GSG1L: variants seen among roughly 807,000 people sequenced by gnomAD.
GSG1L encodes the protein germ cell-specific gene 1-like protein.
In GSG1L, 24 loss-of-function variants were observed where a neutral mutation model predicts 42.1. That is an observed-to-expected ratio of 0.57 (90% CI 0.41 to 0.80). The LOEUF is 0.80. GSG1L is among the 30% of genes least tolerant of loss of function. GSG1L has a pLI of 0.00. For missense variants in GSG1L, 445 were observed against 472.2 expected (o/e 0.94, Z 0.53); for synonymous variants, 215 against 203.5 (o/e 1.06, Z -0.48).
At position 27,894,927 on chromosome 16, in the gene GSG1L, C is replaced by T. The variant is rs187853972; in HGVS notation, c.398-10289G>A. ...TATTAGAGGCATGAGGATTGAGGTT[C>T]GAGGGGGAAAGGGCTGTCTGGAAGA... is the stretch of plus-strand genomic sequence containing the variant. On this transcript the variant is annotated intron_variant, in intron 2 of 6. Coordinates refer to ENST00000447459, the MANE Select transcript of GSG1L (RefSeq NM_001109763.2). Among the ~76,000 whole-genome samples the T allele has an allele frequency of 5.7e-4, 87 of 152,124 alleles. 1 individual carries two copies. Among genetic ancestry groups the T allele is most frequent in the East Asian group, 2.9e-3 (15 of 5,166 alleles).
At chr16:28,012,168 C>G (rs902990456) in intron 1 of GSG1L, among the ~76,000 whole-genome samples, 1 of 152,138 alleles carries the variant, frequency 6.6e-6, no homozygotes, top group Non-Finnish European at 1.5e-5. Context: ...GGTTTCTGAG[C>G]CCCCAAGGTC....
intron 1 of GSG1L, among the ~76,000 whole-genome samples, chr16:28,055,666 C>T (rs1303842082): frequency 2.6e-5 from 4 of 151,754 alleles, no homozygotes; most frequent in South Asian, 2.1e-4. Flanking sequence ...GATGGGATTT[C>T]GCCATGTTGG....
intron 1 of GSG1L, among the ~76,000 whole-genome samples, chr16:28,062,214 G>A (rs926015430): frequency 1.3e-5 from 2 of 152,166 alleles, no homozygotes; most frequent in Non-Finnish European, 2.9e-5. Flanking sequence ...CTGTCCCCTG[G>A]GCCCTGCCAC....
At chr16:27,977,628 G>C (rs921464099) in intron 1 of GSG1L, among the ~76,000 whole-genome samples, 1 of 149,402 alleles carries the variant, frequency 6.7e-6, no homozygotes, top group East Asian at 2.0e-4. Flanking sequence ...GGCCAGACCA[G>C]GTATCTCTAA....
At chr16:28,006,385 T>C (rs987912113) in intron 1 of GSG1L, among the ~76,000 whole-genome samples, 5 of 151,212 alleles carry the variant, frequency 3.3e-5, no homozygotes, top group African/African-American at 9.7e-5. Flanking sequence ...CTCGGCTCAC[T>C]GCAACCTCTG....
At chr16:27,859,718 C>G (rs980182458) in intron 3 of GSG1L, among the ~76,000 whole-genome samples, 3 of 152,344 alleles carry the variant, frequency 2.0e-5, no homozygotes, top group Non-Finnish European at 4.4e-5. Flanking sequence ...CCCTGTCACC[C>G]AGGCTGGAGT....
At chr16:27,904,839 A>G (rs926400360) in intron 2 of GSG1L, among the ~76,000 whole-genome samples, 9 of 152,190 alleles carry the variant, frequency 5.9e-5, no homozygotes, top group Admixed American at 3.9e-4. Flanking sequence ...CTTCCGTGTC[A>G]AGAAAAGCAC....
chr16:27,817,482 A>C (rs61248338), intron 5 of GSG1L, among the ~76,000 whole-genome samples: 1 of 150,360 alleles, frequency 6.7e-6, no homozygotes. Flanking sequence ...GACTCCCCCC[A>C]CCCCCTTAAT....
intron 1 of GSG1L, among the ~76,000 whole-genome samples, chr16:28,053,923 G>A (rs1200772970): frequency 6.6e-6 from 1 of 151,964 alleles, no homozygotes; most frequent in East Asian, 1.9e-4. Flanking sequence ...GGGTCTCTGT[G>A]TCTCTGTCTC....
chr16:27,897,129 G>T (rs1014508555), intron 2 of GSG1L, among the ~76,000 whole-genome samples: 3 of 152,074 alleles, frequency 2.0e-5, no homozygotes, highest in Admixed American at 2.0e-4. Context: ...CTCCCAAAGT[G>T]CTGGGATAAC....
intron 5 of GSG1L, among the ~76,000 whole-genome samples, chr16:27,812,650 T>C (rs1198432889): frequency 2.0e-5 from 3 of 151,892 alleles, no homozygotes; most frequent in Admixed American, 6.6e-5. Context: ...ATGTGCAGCC[T>C]GGGTTGAAAA....
At chr16:27,993,146 T>A (rs1013678899) in intron 1 of GSG1L, among the ~76,000 whole-genome samples, 2 of 152,186 alleles carry the variant, frequency 1.3e-5, no homozygotes, top group Admixed American at 1.3e-4. Context: ...GAGTTTCCAC[T>A]TGCTTTTTGT....
intron 2 of GSG1L, chr16:27,888,084 G>C: frequency 1.0e-6 from 1 of 985,144 alleles, no homozygotes; most frequent in Non-Finnish European, 1.2e-6. Flanking sequence ...TGCTCCTATC[G>C]CTGGGTTTCC....
intron 4 of GSG1L, among the ~76,000 whole-genome samples, chr16:27,837,599 T>C (rs1406124137): frequency 2.0e-5 from 3 of 152,224 alleles, no homozygotes; most frequent in African/African-American, 7.2e-5. Context: ...TCTCCACTAG[T>C]TCTCCTCTGA....
At chr16:27,932,388 C>T (rs956273090) in intron 2 of GSG1L, among the ~76,000 whole-genome samples, 1 of 152,092 alleles carries the variant, frequency 6.6e-6, no homozygotes, top group African/African-American at 2.4e-5. Flanking sequence ...GTTCTGCAGG[C>T]TGTACAGAAA....
At position 27,884,718 on chromosome 16, in the gene GSG1L, A is replaced by T. The variant is rs1191578957; in HGVS notation, c.398-80T>A. ...ACCCTGTGCCTATTCCTCCCACAAC[A>T]GCAGAGGGTAGCAAGTCATTCTAGA... On this transcript the variant is annotated intron_variant, in intron 2 of 6. Coordinates refer to ENST00000447459, the MANE Select transcript of GSG1L (RefSeq NM_001109763.2). This position sits in a 1 kb window ranked among gnomAD's most constrained non-coding sequence, Gnocchi z 4.4. 2.2e-6 allele frequency: 3 copies of T among 1,341,388 alleles called. No homozygotes were observed. The highest frequency in any genetic ancestry group is 1.5e-5 in the African/African-American group (1 of 68,188). 83.1% of individuals were successfully genotyped at this position (1,341,388 alleles called of 1,614,324 possible). A position where few individuals can be genotyped will look rare whatever the true frequency, so the allele number is the denominator to read the frequency against.
chr16:27,984,361 G>C (rs181800755), intron 1 of GSG1L, among the ~76,000 whole-genome samples: 3 of 152,230 alleles, frequency 2.0e-5, no homozygotes, highest in East Asian at 1.9e-4. Context: ...GGGGGACATC[G>C]CAGGGTAGCC....
intron 1 of GSG1L, among the ~76,000 whole-genome samples, chr16:28,031,221 A>AGGATT (rs2085958774): frequency 1.4e-5 from 1 of 69,392 alleles, no homozygotes; most frequent in Admixed American, 1.9e-4. Flanking sequence ...GAGATGGAAT[A>AGGATT]GGATGGGATG....
chr16:27,948,530 C>A (rs533101667), intron 2 of GSG1L, among the ~76,000 whole-genome samples: 1 of 151,892 alleles, frequency 6.6e-6, no homozygotes, highest in Admixed American at 6.6e-5. Flanking sequence ...CCCACCACCA[C>A]GCCCAGCTAA....
Sources: allele counts gnomAD v4.1 joint callset (sites outside exome capture counted in the v4.1 genomes callset), GRCh38; gene constraint gnomAD v4.1.1; non-coding constraint Gnocchi (gnomAD v3.1); transcripts MANE v1.5; gene names NCBI Gene and HGNC (gene_info 2026-07-23, HGNC 2026-07-21).